The following RNF32 variants were observed in gnomAD, a reference collection of about 807,000 sequenced individuals.
The protein encoded by RNF32 is ring finger protein 32.
RNF32 carries 36 observed loss-of-function variants against 41.0 expected under a neutral mutation model. The ratio of observed to expected loss-of-function variants is 0.88; its 90% CI spans 0.67 to 1.16. The LOEUF (loss-of-function observed/expected upper bound fraction) is 1.16. Ranked by LOEUF, RNF32 falls within the 50% of genes most tolerant of loss-of-function variation. The pLI, the probability that RNF32 is intolerant of heterozygous loss-of-function variation, is 0.00. For missense variants in RNF32, 413 were observed against 436.7 expected, an observed-to-expected ratio of 0.95 and a Z score of 0.48; for synonymous variants, 154 against 160.9, an observed-to-expected ratio of 0.96 and a Z score of 0.32.
At chr7:156,663,545 T>G (rs1800940642) in intron 7 of RNF32, among the ~76,000 whole-genome samples, 1 of 152,124 alleles carries the variant, frequency 6.6e-6, no homozygotes, top group Non-Finnish European at 1.5e-5. Context: ...TAATGTAGTT[T>G]CTAACTCCCA....
At position 156,676,245 on chromosome 7, in the gene RNF32, G is replaced by GTA. The variant is rs113735598; in HGVS notation, c.853-164_853-163dup. 8,354 of 1,506,180 alleles carry GTA rather than the reference G, an allele frequency of 5.5e-3. 345 individuals are homozygous for GTA. The African/African-American group carries it at 0.099, about 18-fold the overall frequency. The allele number at this position is 1,506,180 out of a possible 1,614,324, so 93.3% of individuals were successfully genotyped here. A position where few individuals can be genotyped will look rare whatever the true frequency, so the allele number is the denominator to read the frequency against. Reference sequence around the variant, plus strand: ...CAGGAGTAACAGAGTATATGTGTGTGTATATATATATGTATATATATAAAT... The same window carrying GTA: ...CAGGAGTAACAGAGTATATGTGTGTGTATATATATATATGTATATATATAAAT... On this transcript the variant is annotated intron_variant, in intron 8 of 8. Transcript: ENST00000317955.
At chr7:156,640,637 G>A (rs1213664662), upstream of RNF32, 5 of 385,324 alleles carry the variant, frequency 1.3e-5, no homozygotes, top group Admixed American at 3.1e-5. Flanking sequence ...ATGTGGGCCG[G>A]GCGGGGCTGG....
At chr7:156,654,786 G>A in intron 4 of RNF32, 68 bp downstream of exon 4, 1 of 1,455,934 alleles carries the variant, frequency 6.9e-7, no homozygotes, top group Non-Finnish European at 9.5e-7. Context: ...CCCAGAGCTG[G>A]AGCCTAAGAT....
intron 7 of RNF32, among the ~76,000 whole-genome samples, chr7:156,666,876 A>T (rs1338761590): frequency 6.6e-6 from 1 of 152,182 alleles, no homozygotes; most frequent in Non-Finnish European, 1.5e-5. Context: ...TGCTGCAATT[A>T]AAACTTCTCA....
At chr7:156,663,976 G>A (rs1800993746) in intron 7 of RNF32, among the ~76,000 whole-genome samples, 1 of 152,304 alleles carries the variant, frequency 6.6e-6, no homozygotes, top group South Asian at 2.1e-4. Flanking sequence ...ATAGCTTCCT[G>A]GGTGCCTGCT....
chr7:156,675,945 C>T (rs1418423892), intron 8 of RNF32, 82 bp downstream of exon 8: 12 of 1,390,102 alleles, frequency 8.6e-6, no homozygotes, highest in African/African-American at 2.8e-5. Flanking sequence ...GGGGGGAGGT[C>T]GAGGACTCAC....
At chr7:156,640,640 G>A (rs1193868363), upstream of RNF32, 10 of 384,106 alleles carry the variant, frequency 2.6e-5, no homozygotes, top group Admixed American at 6.3e-5. Flanking sequence ...TGGGCCGGGC[G>A]GGGCTGGCGA....
At position 156,658,936 on chromosome 7, in the gene RNF32, C is replaced by T. The variant is rs577425285; in HGVS notation, c.684+366C>T. On this transcript the variant is annotated intron_variant, in intron 7 of 8. Coordinates refer to ENST00000317955, the MANE Select transcript of RNF32 (RefSeq NM_030936.4). ...GTAAATGAAGACATCTGCTGCACAT[C>T]TCATAGTAATGAAAATAGAAGCTGC... The T allele has an allele frequency of 5.9e-6, 9 of 1,526,160 alleles. 1 individual carries two copies. The South Asian group carries it at 1.0e-4, about 17-fold the overall frequency. The allele number at this position is 1,526,160 out of a possible 1,614,324, so 94.5% of individuals were successfully genotyped here.
At position 156,675,937 on chromosome 7, in the gene RNF32, G is replaced by A. The variant is rs995018442; in HGVS notation, c.852+74G>A. 3.0e-5 allele frequency: 44 copies of A among 1,457,874 alleles called. No individual in the cohort carries two copies. The Admixed American group carries it at 5.7e-4, about 19-fold the overall frequency. The allele number at this position is 1,457,874 out of a possible 1,614,324, so 90.3% of individuals were successfully genotyped here. ...AGAGGCTGTGGGGAGTGGCATGTGG[G>A]GGGAGGTCGAGGACTCACTTTGGGG... On this transcript the variant is annotated intron_variant, in intron 8 of 8. Transcript: ENST00000317955.
intron 4 of RNF32, among the ~76,000 whole-genome samples, chr7:156,657,131 T>C (rs1272047619): frequency 1.3e-5 from 2 of 152,214 alleles, no homozygotes; most frequent in African/African-American, 2.4e-5. Context: ...TTCACAAAAA[T>C]TGGGGGGCAT....
At chr7:156,645,709 A>G (rs1797898027) in intron 3 of RNF32, among the ~76,000 whole-genome samples, 1 of 152,254 alleles carries the variant, frequency 6.6e-6, no homozygotes, top group Non-Finnish European at 1.5e-5. Context: ...ATAAAAGGTT[A>G]ACATTTGGGG....
chr7:156,652,655 A>G (rs945652787), intron 3 of RNF32, among the ~76,000 whole-genome samples: 3 of 152,152 alleles, frequency 2.0e-5, no homozygotes, highest in African/African-American at 7.2e-5. Flanking sequence ...GGCCTAGGCT[A>G]ATATGTGTGT....
chr7:156,655,924 G>A (rs1234379738), intron 4 of RNF32, among the ~76,000 whole-genome samples: 2 of 152,156 alleles, frequency 1.3e-5, no homozygotes, highest in African/African-American at 4.8e-5. Context: ...ACTATCTTAT[G>A]GGGATCAGGG....
intron 7 of RNF32, among the ~76,000 whole-genome samples, chr7:156,661,748 G>A (rs906033822): frequency 6.6e-6 from 1 of 152,178 alleles, no homozygotes; most frequent in Non-Finnish European, 1.5e-5. Context: ...ATTCCACTTC[G>A]TTTCCAAAGT....
rs114960126 is a variant in RNF32, at chr7:156,665,382, T to C, written c.684+6812T>C. 6.7e-3 allele frequency among the ~76,000 whole-genome samples: 1,016 copies of C among 152,310 alleles called. 16 individuals carry two copies. The highest frequency in any genetic ancestry group is 0.023 in the African/African-American group (967 of 41,556). On this transcript the variant is annotated intron_variant, in intron 7 of 8. Coordinates refer to ENST00000317955, the MANE Select transcript of RNF32 (RefSeq NM_030936.4). ...TTCTATGTGTATGCAACTCTGAGGT[T>C]TGAATTTTAGAAACTGGAAATCTTA...
At chr7:156,652,607 A>G (rs543674059) in intron 3 of RNF32, among the ~76,000 whole-genome samples, 2 of 152,062 alleles carry the variant, frequency 1.3e-5, no homozygotes, top group Non-Finnish European at 2.9e-5. Context: ...AAAAATTCCT[A>G]CCACTTCATG....
At chr7:156,648,034 T>TG (rs984747337) in intron 3 of RNF32, among the ~76,000 whole-genome samples, 2 of 151,802 alleles carry the variant, frequency 1.3e-5, no homozygotes, top group African/African-American at 4.8e-5. Context: ...TATTTGTTTT[T>TG]TTTTTTTCTT....
chr7:156,648,648 A>C (rs1038572372), intron 3 of RNF32, among the ~76,000 whole-genome samples: 1 of 152,214 alleles, frequency 6.6e-6, no homozygotes, highest in Non-Finnish European at 1.5e-5. Context: ...ATGACATTGA[A>C]CCATATGCTC....
In RNF32 at chr7:156,673,484, C is replaced by T. The variant is rs556639986; in HGVS notation, c.685-2212C>T. Among the ~76,000 whole-genome samples the T allele has an allele frequency of 1.4e-4, 22 of 152,170 alleles. 1 individual carries two copies. In the South Asian group the frequency reaches 4.6e-3, roughly 32 times the overall value. The stretch of plus-strand genomic sequence containing the variant: ...CTTAGGAAACGTTACCGATTCAAGA[C>T]CCTAAATTAAGATACAGCTGCTTGG... On this transcript the variant is annotated intron_variant, in intron 7 of 8. Coordinates refer to ENST00000317955, the MANE Select transcript of RNF32 (RefSeq NM_030936.4).
Sources: gnomAD v4.1 joint callset for allele counts (sites outside exome capture counted in the v4.1 genomes callset) on GRCh38, gnomAD v4.1.1 for gene constraint, MANE v1.5 for transcripts, NCBI Gene and HGNC (gene_info 2026-07-23, HGNC 2026-07-21) for gene names.